Variants in PECR observed in about 807,000 individuals in gnomAD.
PECR encodes 2,4-dienoyl-CoA reductase-related protein.
PECR carries 30 observed loss-of-function variants against 35.3 expected under a neutral mutation model. The observed-to-expected ratio is 0.85, with a 90% confidence interval of 0.64 to 1.15. The LOEUF is 1.15. Ranked by LOEUF, PECR falls within the 50% of genes most tolerant of loss-of-function variation. PECR has a pLI of 0.00. For missense variants in PECR, 392 were observed against 370.8 expected (o/e 1.06, Z -0.47); for synonymous variants, 148 against 138.9 (o/e 1.07, Z -0.46).
intron 4 of PECR, chr2:216,057,867 C>A (rs1017194714): frequency 1.3e-5 from 2 of 152,092 alleles, no homozygotes; most frequent in African/African-American, 4.8e-5. Context: ...CTCTCTGGGA[C>A]CTGCTGGCAC....
intron 3 of PECR, among the ~76,000 whole-genome samples, chr2:216,061,129 CAAAAAAAAAAAA>C (rs151215904): frequency 1.1e-4 from 6 of 52,406 alleles, no homozygotes; most frequent in South Asian, 7.2e-4. Context: ...CCGGCTCTAC[CAAAAAAAAAAAA>C]AAAAAAAAAA....
At chr2:216,080,356 G>A (rs1234606478) in intron 1 of PECR, among the ~76,000 whole-genome samples, 1 of 152,300 alleles carries the variant, frequency 6.6e-6, no homozygotes, top group East Asian at 1.9e-4. Flanking sequence ...AATTACAGGC[G>A]TGAGCCACTG....
At chr2:216,041,284 G>A (rs1271674206) in intron 7 of PECR, among the ~76,000 whole-genome samples, 2 of 152,124 alleles carry the variant, frequency 1.3e-5, no homozygotes, top group African/African-American at 2.4e-5. Flanking sequence ...TGCAACCTGC[G>A]ATAAGAAATA....
chr2:216,041,204 G>A (rs7600044), intron 7 of PECR, among the ~76,000 whole-genome samples: 18,882 of 148,982 alleles, frequency 0.13, 1,387 homozygotes, highest in South Asian at 0.23. Flanking sequence ...AATTACAAAA[G>A]AAAATCATGT....
At chr2:216,068,804 ATTTTTTTTTTTTTTT>A (rs36012588) in intron 1 of PECR, among the ~76,000 whole-genome samples, 1 of 76,088 alleles carries the variant, frequency 1.3e-5, no homozygotes, top group Non-Finnish European at 2.5e-5. Context: ...TATCTGGCCA[ATTTTTTTTTTTTTTT>A]TTTTTTTTTT....
chr2:216,070,117 C>T (rs1216067022), intron 1 of PECR, among the ~76,000 whole-genome samples: 3 of 152,176 alleles, frequency 2.0e-5, no homozygotes, highest in South Asian at 2.1e-4. Flanking sequence ...TCGAATGACT[C>T]GACACACTTC....
rs59623283 is a variant in PECR at position 216,048,843 on chromosome 2, CAAAAAA to C, written c.714+414_714+419del. 9.5e-5 allele frequency among the ~76,000 whole-genome samples: 7 copies of C among 74,056 alleles called. 1 individual carries two copies. The highest frequency in any genetic ancestry group is 3.0e-4 in the African/African-American group (6 of 19,932). 48.6% of individuals were successfully genotyped at this position (74,056 alleles called of 152,430 possible). ...TAACAGAGTGAAACACTGTCTCAAG[CAAAAAA>C]AAAAAAAAAAAAAAAAACCGCTGCT... On this transcript the variant is annotated intron_variant, in intron 6 of 7. Transcript: ENST00000265322.
intron 7 of PECR, among the ~76,000 whole-genome samples, chr2:216,031,647 A>AAAAG (rs200929112): frequency 0.1 from 9,733 of 97,674 alleles, 574 homozygotes; most frequent in South Asian, 0.13. Flanking sequence ...AAGGAAGAAG[A>AAAAG]AAAGAAAGAA....
chr2:216,064,688 G>A (rs1217979040), intron 3 of PECR, among the ~76,000 whole-genome samples: 2 of 152,190 alleles, frequency 1.3e-5, no homozygotes, highest in African/African-American at 4.8e-5. Context: ...TGCTAGTTAG[G>A]TAGAGATGTC....
At chr2:216,047,676 A>T (rs1309966188) in intron 6 of PECR, among the ~76,000 whole-genome samples, 1 of 152,218 alleles carries the variant, frequency 6.6e-6, no homozygotes, top group Non-Finnish European at 1.5e-5. Context: ...TACATAAATA[A>T]ATATAGCTTC....
intron 1 of PECR, among the ~76,000 whole-genome samples, chr2:216,075,379 C>T (rs889714029): frequency 6.6e-6 from 1 of 152,058 alleles, no homozygotes; most frequent in Non-Finnish European, 1.5e-5. Flanking sequence ...AATATATATA[C>T]GTGTGTATAC....
intron 1 of PECR, among the ~76,000 whole-genome samples, chr2:216,071,609 T>C (rs1337475299): frequency 6.6e-6 from 1 of 152,120 alleles, no homozygotes; most frequent in South Asian, 2.1e-4. Flanking sequence ...GAACAAGCAA[T>C]AGTTGTGCAA....
At chr2:216,060,924 T>C (rs1475652652) in intron 3 of PECR, among the ~76,000 whole-genome samples, 1 of 138,468 alleles carries the variant, frequency 7.2e-6, no homozygotes, top group Non-Finnish European at 1.6e-5. Context: ...TGCCAATTAA[T>C]AAATAAATAA....
chr2:216,046,323 T>TGTTTTG (rs1559209256), intron 6 of PECR, among the ~76,000 whole-genome samples: 2 of 140,222 alleles, frequency 1.4e-5, no homozygotes, highest in African/African-American at 5.3e-5. Flanking sequence ...TTTTTTTTTT[T>TGTTTTG]TTTTTTTGAG....
rs1016006385 is a variant in PECR at position 216,071,128 on chromosome 2, C to T, written c.125-4610G>A. On this transcript the variant is annotated intron_variant, in intron 1 of 7. Coordinates refer to ENST00000265322, the MANE Select transcript of PECR (RefSeq NM_018441.6). ...GCCCATGGTTGGGATCCATGGGTCG[C>T]TCTAGTCTCCCGTTCTGTGGTCGCA... Among the ~76,000 whole-genome samples the T allele has an allele frequency of 2.0e-5, 3 of 152,196 alleles. No homozygotes were observed. The East Asian group carries it at 5.8e-4, about 29-fold the overall frequency.
In PECR at chr2:216,081,694, C is replaced by T. The variant is rs1316457666; in HGVS notation, c.48G>A (p.Leu16=). 18 of 1,613,540 alleles carry T rather than the reference C, an allele frequency of 1.1e-5. No homozygotes were observed. Among genetic ancestry groups the T allele is most frequent in the Non-Finnish European group, 1.5e-5 (18 of 1,179,936 alleles). Residue 16 remains leucine (L), a synonymous_variant, in exon 1 of 8, where the codon CTG becomes CTA. Transcript: ENST00000265322. ...KGRSYLAPGL[L]QGQVAIVTGG... is the part of the protein sequence containing the mutation. ...CGGTGACGATGGCCACTTGGCCCTGCAGCAAACCAGGCGCCAGGTAGCTCC... is the reference window on the plus strand; with the variant it reads ...CGGTGACGATGGCCACTTGGCCCTGTAGCAAACCAGGCGCCAGGTAGCTCC...
intron 6 of PECR, among the ~76,000 whole-genome samples, chr2:216,045,777 A>C (rs1261349474): frequency 6.6e-6 from 1 of 152,224 alleles, no homozygotes; most frequent in East Asian, 1.9e-4. Context: ...GCGCATCAAA[A>C]AGAGACTTGC....
At chr2:216,061,129 CAAAAAAAAAAAAAAAAA>C (rs151215904) in intron 3 of PECR, among the ~76,000 whole-genome samples, 1 of 52,390 alleles carries the variant, frequency 1.9e-5, no homozygotes, top group Non-Finnish European at 3.4e-5. Context: ...CCGGCTCTAC[CAAAAAAAAAAAAAAAAA>C]AAAAAAAAAA....
chr2:216,074,270 C>A (rs557661890), intron 1 of PECR, among the ~76,000 whole-genome samples: 1 of 152,168 alleles, frequency 6.6e-6, no homozygotes, highest in Admixed American at 6.5e-5. Context: ...CATGGTGAAA[C>A]CCCACCTCTA....
Sources: allele counts gnomAD v4.1 joint callset (sites outside exome capture counted in the v4.1 genomes callset), GRCh38; gene constraint gnomAD v4.1.1; transcripts MANE v1.5; gene names NCBI Gene and HGNC (gene_info 2026-07-23, HGNC 2026-07-21).